The following DCAF8 variants were observed in gnomAD, a reference collection of about 807,000 sequenced individuals.
DCAF8 encodes the protein DDB1- and CUL4-associated factor 8.
In DCAF8, 20 loss-of-function variants were observed where a neutral mutation model predicts 68.0. The ratio of observed to expected loss-of-function variants is 0.29; its 90% confidence interval spans 0.21 to 0.43. The LOEUF (loss-of-function observed/expected upper bound fraction) is 0.43. DCAF8 is among the 20% of genes least tolerant of loss of function. DCAF8 has a pLI of 1.00. For synonymous variants in DCAF8, 230 were observed against 276.9 expected, an observed-to-expected ratio of 0.83 and a Z score of 1.68; for missense variants, 460 against 771.0, an observed-to-expected ratio of 0.60 and a Z score of 4.78.
Position 160,224,432 on chromosome 1 carries a change from AC to A in DCAF8, c.1309+9del. ...GCTTGGGCCAAAGAAACCTAGGAAGACAGTCTCACCTGTGGCATTATTTCTG... is the reference window on the plus strand; with the variant it reads ...GCTTGGGCCAAAGAAACCTAGGAAGAAGTCTCACCTGTGGCATTATTTCTG... On this transcript the variant is annotated intron_variant, in intron 10 of 13. Coordinates refer to ENST00000368074, the MANE Select transcript of DCAF8 (RefSeq NM_015726.4). 1.2e-6 allele frequency: 2 copies of A among 1,604,836 alleles called. No homozygotes were observed. Among genetic ancestry groups the A allele is most frequent in the Middle Eastern group, 3.3e-4 (2 of 6,026 alleles).
At chr1:160,251,128 A>G (rs1332553670) in intron 2 of DCAF8, among the ~76,000 whole-genome samples, 1 of 152,226 alleles carries the variant, frequency 6.6e-6, no homozygotes, top group Non-Finnish European at 1.5e-5. Context: ...ACAAGGTTTT[A>G]GAATTTCCTC....
intron 2 of DCAF8, among the ~76,000 whole-genome samples, chr1:160,260,412 A>G (rs1657039751): frequency 6.6e-6 from 1 of 152,220 alleles, no homozygotes; most frequent in Non-Finnish European, 1.5e-5. Context: ...GTCCATGATG[A>G]GCATTTTCTA....
In DCAF8 at chr1:160,218,980, G is replaced by A. The variant is rs780931358; in HGVS notation, c.1441-12C>T. 4 of 1,613,986 alleles carry A rather than the reference G, an allele frequency of 2.5e-6. No individual in the cohort carries two copies. The highest frequency in any genetic ancestry group is 2.2e-5 in the South Asian group (2 of 91,052). On this transcript the variant is annotated splice_polypyrimidine_tract_variant and intron_variant, in intron 11 of 13. Coordinates refer to ENST00000368074, the MANE Select transcript of DCAF8 (RefSeq NM_015726.4). Reference sequence around the variant, plus strand: ...TCAAGACAGTTTACCTGGTCAGGAAGAAAGGAAAACACAGACTCAGCAGTG... The same window carrying A: ...TCAAGACAGTTTACCTGGTCAGGAAAAAAGGAAAACACAGACTCAGCAGTG...
chr1:160,240,463 C>A, intron 3 of DCAF8, 93 bp from the exon 4 acceptor site: 1 of 1,256,290 alleles, frequency 8.0e-7, no homozygotes, highest in Non-Finnish European at 1.1e-6. Flanking sequence ...CATCAAAAGA[C>A]CAAAAAATGA....
chr1:160,219,008 T>C (rs1225879999), intron 11 of DCAF8, 40 bp from the exon 12 acceptor site: 1 of 1,611,706 alleles, frequency 6.2e-7, no homozygotes, highest in Non-Finnish European at 8.5e-7. Flanking sequence ...CAGCAGTGTG[T>C]GGGAGTAGGG....
chr1:160,225,291 T>C (rs1328940925), intron 8 of DCAF8, among the ~76,000 whole-genome samples, 172 bp from the exon 9 acceptor site: 1 of 152,194 alleles, frequency 6.6e-6, no homozygotes, highest in East Asian at 1.9e-4. Flanking sequence ...GGGTAGCATC[T>C]TGGGGCTTTC....
intron 5 of DCAF8, among the ~76,000 whole-genome samples, chr1:160,237,701 G>A (rs776105019): frequency 1.1e-4 from 16 of 151,636 alleles, no homozygotes; most frequent in South Asian, 2.1e-4. Flanking sequence ...TAATTTTTTC[G>A]CTTTTTTTTT....
At chr1:160,241,831 A>C (rs1301486509) in intron 3 of DCAF8, among the ~76,000 whole-genome samples, 2 of 152,232 alleles carry the variant, frequency 1.3e-5, no homozygotes. Flanking sequence ...TGTGGATTAG[A>C]GCAGTAATTT....
intron 2 of DCAF8, among the ~76,000 whole-genome samples, chr1:160,247,769 C>A (rs1395843858): frequency 6.6e-6 from 1 of 152,046 alleles, no homozygotes; most frequent in Admixed American, 6.6e-5. Flanking sequence ...TCAACTTGTA[C>A]CAGAATAACT....
Position 160,239,707 on chromosome 1 carries a change from T to C in DCAF8, c.713A>G (p.Asn238Ser). The part of the protein sequence containing the change: ...VLDFESGHKS[N>S]VFQAKFLPNS... ...GCTCCCTTGCCTCACCTGGAACACA[T>C]TACTTTTGTGGCCACTCTCAAAGTC... is the stretch of plus-strand genomic sequence containing the variant. Residue 238 changes from asparagine to serine, a missense_variant, in exon 4 of 14, where the codon AAT (asparagine) becomes AGT (serine). Physicochemically the swap from Asn to Ser is conservative, Grantham distance 46. Coordinates refer to ENST00000368074, the MANE Select transcript of DCAF8 (RefSeq NM_015726.4). 6.2e-7 allele frequency: 1 copy of C among 1,614,200 alleles called. No homozygotes were observed. Among genetic ancestry groups the C allele is most frequent in the Non-Finnish European group, 8.5e-7 (1 of 1,180,020 alleles).
At chr1:160,236,273 CACATACAT>C (rs796728326) in intron 6 of DCAF8, among the ~76,000 whole-genome samples, 3 of 144,296 alleles carry the variant, frequency 2.1e-5, no homozygotes, top group African/African-American at 7.5e-5. Context: ...AACACACACA[CACATACAT>C]ACACGTACGT....
chr1:160,225,221 G>C (rs991326699), intron 8 of DCAF8, 102 bp from the exon 9 acceptor site: 1 of 1,100,124 alleles, frequency 9.1e-7, no homozygotes, highest in Non-Finnish European at 1.3e-6. Flanking sequence ...TCTTCTCCCA[G>C]AGATTTGAGA....
chr1:160,240,807 C>T (rs564921035), intron 3 of DCAF8, among the ~76,000 whole-genome samples: 38 of 152,292 alleles, frequency 2.5e-4, no homozygotes, highest in African/African-American at 7.0e-4. Context: ...TAGCGAAAGA[C>T]GGAAACCAGC....
intron 2 of DCAF8, among the ~76,000 whole-genome samples, chr1:160,251,535 T>G (rs1477828265): frequency 6.6e-6 from 1 of 152,154 alleles, no homozygotes; most frequent in African/African-American, 2.4e-5. Flanking sequence ...TTCAGTAATG[T>G]GATCTCAGCT....
intron 2 of DCAF8, among the ~76,000 whole-genome samples, chr1:160,258,571 G>A (rs1387861092): frequency 6.6e-6 from 1 of 151,896 alleles, no homozygotes; most frequent in Admixed American, 6.6e-5. Flanking sequence ...AGCATCACTT[G>A]AGCCGGGCAA....
At position 160,244,081 on chromosome 1, in the gene DCAF8, G is replaced by A. The variant is rs753223067; in HGVS notation, c.-26-47C>T. On this transcript the variant is annotated intron_variant, in intron 2 of 13. Transcript: ENST00000368074. ...ACCAAAACAATTAGGAAACCACCTG[G>A]GAAAGAAGACAATAGGGACAAGGAG... 5 of 1,405,070 alleles carry A rather than the reference G, an allele frequency of 3.6e-6. No individual in the cohort carries two copies. In the African/African-American group the frequency reaches 7.1e-5, roughly 20 times the overall value. 87.0% of individuals were successfully genotyped at this position (1,405,070 alleles called of 1,614,324 possible). A position where few individuals can be genotyped will look rare whatever the true frequency, so the allele number is the denominator to read the frequency against.
intron 5 of DCAF8, 137 bp from the exon 6 acceptor site, chr1:160,237,366 C>T: frequency 1.6e-6 from 1 of 644,726 alleles, no homozygotes; most frequent in Non-Finnish European, 2.7e-6. Flanking sequence ...GTCATAAAAT[C>T]CCAGGAAAGG....
chr1:160,256,394 A>G (rs1656836782), intron 2 of DCAF8, among the ~76,000 whole-genome samples: 1 of 152,220 alleles, frequency 6.6e-6, no homozygotes, highest in African/African-American at 2.4e-5. Flanking sequence ...TAAAACCTCA[A>G]GAAGTGCCTT....
intron 6 of DCAF8, among the ~76,000 whole-genome samples, chr1:160,233,956 G>A (rs1418472457): frequency 1.3e-5 from 2 of 152,090 alleles, no homozygotes; most frequent in African/African-American, 2.4e-5. Context: ...TAAAATTAAT[G>A]AGCAAGTATG....
Sources: gnomAD v4.1 joint callset for allele counts (sites outside exome capture counted in the v4.1 genomes callset) on GRCh38, gnomAD v4.1.1 for gene constraint, MANE v1.5 for transcripts, NCBI Gene and HGNC (gene_info 2026-07-23, HGNC 2026-07-21) for gene names.